CACNA2D3: variants seen among roughly 807,000 people sequenced by gnomAD.
CACNA2D3 encodes voltage-dependent calcium channel subunit alpha-2/delta-3.
CACNA2D3 carries 60 observed loss-of-function variants against 160.6 expected under a neutral mutation model. The ratio of observed to expected loss-of-function variants is 0.37; its 90% CI spans 0.30 to 0.46. The LOEUF (loss-of-function observed/expected upper bound fraction) is 0.46, where lower values mean the gene tolerates loss of function less well. Among genes scored for constraint, CACNA2D3 ranks in the 20% least tolerant of loss-of-function variants. The pLI, the probability that CACNA2D3 is intolerant of heterozygous loss-of-function variation, is 1.00. For missense variants in CACNA2D3, 1,205 were observed against 1,365.0 expected (o/e 0.88, Z 1.85); for synonymous variants, 558 against 492.9 (o/e 1.13, Z -1.75).
At chr3:54,188,907 T>A (rs1318038686) in intron 2 of CACNA2D3, among the ~76,000 whole-genome samples, 1 of 152,230 alleles carries the variant, frequency 6.6e-6, no homozygotes, top group Non-Finnish European at 1.5e-5. Flanking sequence ...ATTTGTGGTG[T>A]TTGTCCCCAG....
chr3:55,059,502 T>C (rs1575457226), intron 35 of CACNA2D3, among the ~76,000 whole-genome samples: 1 of 152,104 alleles, frequency 6.6e-6, no homozygotes, highest in Non-Finnish European at 1.5e-5. Context: ...ATGGGGAACA[T>C]GCAGACGGGC....
At chr3:54,956,039 G>A (rs572515685) in intron 27 of CACNA2D3, among the ~76,000 whole-genome samples, 4 of 152,118 alleles carry the variant, frequency 2.6e-5, no homozygotes, top group African/African-American at 4.8e-5. Flanking sequence ...CCAGAGTGCC[G>A]TCCGCCCCTC....
chr3:54,446,865 A>G (rs553737812), intron 4 of CACNA2D3, among the ~76,000 whole-genome samples: 55 of 152,042 alleles, frequency 3.6e-4, no homozygotes, highest in Non-Finnish European at 7.2e-4. Flanking sequence ...GGAATTTCTG[A>G]GGCAGTTGGT....
intron 2 of CACNA2D3, among the ~76,000 whole-genome samples, chr3:54,313,671 G>T (rs1033385190): frequency 2.0e-5 from 3 of 152,004 alleles, no homozygotes; most frequent in African/African-American, 4.8e-5. Flanking sequence ...CTTGAGCCCC[G>T]GGAGTCTCCC....
chr3:54,834,155 T>G (rs1703935507), intron 14 of CACNA2D3, among the ~76,000 whole-genome samples: 2 of 152,244 alleles, frequency 1.3e-5, no homozygotes, highest in African/African-American at 4.8e-5. Flanking sequence ...CTTGTCTTTG[T>G]GCCAGGACAA....
chr3:54,766,535 A>C (rs2107103617), intron 13 of CACNA2D3, among the ~76,000 whole-genome samples: 1 of 152,314 alleles, frequency 6.6e-6, no homozygotes. Context: ...AAAATGGGGC[A>C]ATCTCTATGG....
intron 2 of CACNA2D3, among the ~76,000 whole-genome samples, chr3:54,168,741 G>A (rs1298831302): frequency 6.6e-6 from 1 of 152,156 alleles, no homozygotes; most frequent in Admixed American, 6.5e-5. Context: ...TGATGCAAAT[G>A]GGAGAGATGG....
chr3:54,661,779 C>T (rs2106881974), intron 11 of CACNA2D3, among the ~76,000 whole-genome samples: 1 of 152,004 alleles, frequency 6.6e-6, no homozygotes, highest in South Asian at 2.1e-4. Flanking sequence ...AGCAGTCTCT[C>T]CAGGCTCTCA....
At chr3:54,226,996 T>C (rs575246026) in intron 2 of CACNA2D3, among the ~76,000 whole-genome samples, 2 of 152,324 alleles carry the variant, frequency 1.3e-5, no homozygotes, top group South Asian at 4.1e-4. Context: ...CTTTTACTTT[T>C]AGTAGGAAGC....
intron 14 of CACNA2D3, among the ~76,000 whole-genome samples, chr3:54,832,506 T>G (rs906178389): frequency 6.6e-6 from 1 of 152,188 alleles, no homozygotes; most frequent in Non-Finnish European, 1.5e-5. Flanking sequence ...CCAATATCCT[T>G]AAGTATAAAG....
intron 27 of CACNA2D3, among the ~76,000 whole-genome samples, chr3:54,934,244 T>C (rs1446225312): frequency 1.3e-5 from 2 of 152,226 alleles, no homozygotes; most frequent in Non-Finnish European, 2.9e-5. Context: ...AGGTCATTTT[T>C]TACACAACCC....
intron 3 of CACNA2D3, among the ~76,000 whole-genome samples, chr3:54,333,059 G>A (rs1704299853): frequency 6.6e-6 from 1 of 152,182 alleles, no homozygotes; most frequent in Non-Finnish European, 1.5e-5. Flanking sequence ...GAAGTAGAAT[G>A]TGGGACCAGT....
intron 14 of CACNA2D3, among the ~76,000 whole-genome samples, chr3:54,819,126 C>T (rs1364645374): frequency 1.3e-5 from 2 of 151,336 alleles, no homozygotes; most frequent in South Asian, 2.1e-4. Flanking sequence ...GAGGTTCTTG[C>T]AAGTGTCAGC....
chr3:54,182,180 T>A (rs181207479), intron 2 of CACNA2D3, among the ~76,000 whole-genome samples: 1 of 152,350 alleles, frequency 6.6e-6, no homozygotes, highest in East Asian at 1.9e-4. Flanking sequence ...GGTAAGCCAC[T>A]TAGCAGTACA....
rs572102775 is a variant in CACNA2D3, at chr3:54,656,093, G to C, written c.1167+13852G>C. ...CACAGTGAACATTAGCAATGGAGAA[G>C]ATTATGGTCCATGGGACCCTGGACC... On this transcript the variant is annotated intron_variant, in intron 11 of 37. Transcript: ENST00000474759. Among the ~76,000 whole-genome samples the C allele has an allele frequency of 3.3e-5, 5 of 152,298 alleles. No homozygotes were observed. In the East Asian group the frequency reaches 9.7e-4, roughly 29 times the overall value.
intron 13 of CACNA2D3, among the ~76,000 whole-genome samples, chr3:54,786,046 A>G (rs552450571): frequency 6.6e-6 from 1 of 152,278 alleles, no homozygotes; most frequent in African/African-American, 2.4e-5. Flanking sequence ...TTCCTGGCTA[A>G]CACTTACCTA....
At chr3:54,217,208 C>T (rs936985466) in intron 2 of CACNA2D3, among the ~76,000 whole-genome samples, 1 of 152,100 alleles carries the variant, frequency 6.6e-6, no homozygotes. Flanking sequence ...GAGGCGTGTT[C>T]AGCAGAGCAG....
At chr3:54,253,199 T>C (rs1176478545) in intron 2 of CACNA2D3, among the ~76,000 whole-genome samples, 1 of 152,108 alleles carries the variant, frequency 6.6e-6, no homozygotes, top group African/African-American at 2.4e-5. Flanking sequence ...GTTAATTCTT[T>C]CTGAGAGCAA....
intron 9 of CACNA2D3, among the ~76,000 whole-genome samples, chr3:54,598,216 G>C (rs978086146): frequency 9.3e-5 from 13 of 139,912 alleles, no homozygotes; most frequent in African/African-American, 3.2e-4. Flanking sequence ...ACTGAGGCAG[G>C]AGAATCGCTT....
Sources: allele counts gnomAD v4.1 joint callset (sites outside exome capture counted in the v4.1 genomes callset), GRCh38; gene constraint gnomAD v4.1.1; transcripts MANE v1.5; gene names NCBI Gene and HGNC (gene_info 2026-07-23, HGNC 2026-07-21).